PTAR1: variants seen among roughly 807,000 people sequenced by gnomAD.
The protein encoded by PTAR1 is protein prenyltransferase alpha subunit repeat containing 1, also known as protein prenyltransferase alpha subunit repeat-containing protein 1.
PTAR1 carries 17 observed loss-of-function variants against 45.5 expected under a neutral mutation model. That is an observed-to-expected ratio of 0.37 (90% CI 0.26 to 0.56). The LOEUF is 0.56. Ranked by LOEUF, PTAR1 falls within the 20% of genes least tolerant of loss-of-function variation. PTAR1 has a pLI of 0.77. For missense variants in PTAR1, 391 were observed against 476.3 expected, an observed-to-expected ratio of 0.82 and a Z score of 1.67; for synonymous variants, 169 against 171.3, an observed-to-expected ratio of 0.99 and a Z score of 0.11.
intron 2 of PTAR1, among the ~76,000 whole-genome samples, chr9:69,747,215 A>C (rs1239400734): frequency 1.3e-5 from 2 of 152,238 alleles, no homozygotes; most frequent in African/African-American, 4.8e-5. Flanking sequence ...TTGTTTAATC[A>C]GCTAAAATAC....
chr9:69,729,243 C>G (rs1825425068), intron 5 of PTAR1, among the ~76,000 whole-genome samples: 1 of 152,114 alleles, frequency 6.6e-6, no homozygotes. Context: ...TCGCTTGAAC[C>G]TGGGAAGCGG....
At chr9:69,739,418 T>TAA (rs397941927) in intron 3 of PTAR1, among the ~76,000 whole-genome samples, 5 of 145,300 alleles carry the variant, frequency 3.4e-5, no homozygotes, top group African/African-American at 1.3e-4. Flanking sequence ...CAGTTTTCTT[T>TAA]AAAAAAAAAA....
chr9:69,757,662 TG>T (rs1165776526), intron 1 of PTAR1: 1 of 152,114 alleles, frequency 6.6e-6, no homozygotes, highest in African/African-American at 2.4e-5. Context: ...ATCTTAAGTT[TG>T]GACAAGAAAA....
chr9:69,740,204 T>C (rs1487309596), intron 3 of PTAR1, among the ~76,000 whole-genome samples: 2 of 152,084 alleles, frequency 1.3e-5, no homozygotes, highest in Non-Finnish European at 2.9e-5. Context: ...TATATAGGTG[T>C]GTGTGTGTAT....
At chr9:69,739,838 T>C (rs560569321) in intron 3 of PTAR1, among the ~76,000 whole-genome samples, 1 of 152,272 alleles carries the variant, frequency 6.6e-6, no homozygotes, top group East Asian at 1.9e-4. Flanking sequence ...AAGATTCCCT[T>C]TCTACTCATC....
At chr9:69,735,052 T>C (rs1825721736) in intron 3 of PTAR1, among the ~76,000 whole-genome samples, 1 of 152,236 alleles carries the variant, frequency 6.6e-6, no homozygotes, top group South Asian at 2.1e-4. Flanking sequence ...ATTCTTACTT[T>C]GGATAAGTTT....
intron 6 of PTAR1, among the ~76,000 whole-genome samples, chr9:69,720,005 C>T (rs1824918322): frequency 6.6e-6 from 1 of 152,158 alleles, no homozygotes; most frequent in Admixed American, 6.6e-5. Context: ...TCCCTGTTCC[C>T]TGAGATACAA....
intron 4 of PTAR1, among the ~76,000 whole-genome samples, chr9:69,732,666 C>T (rs985213654): frequency 1.3e-5 from 2 of 151,688 alleles, no homozygotes; most frequent in South Asian, 2.1e-4. Flanking sequence ...AATGTAAAGG[C>T]AATTGGTGTG....
At chr9:69,747,658 A>T (rs141121820) in intron 2 of PTAR1, among the ~76,000 whole-genome samples, 2 of 152,216 alleles carry the variant, frequency 1.3e-5, no homozygotes, top group Non-Finnish European at 2.9e-5. Flanking sequence ...TACGAAGAGT[A>T]GAGGCTGTAT....
intron 5 of PTAR1, among the ~76,000 whole-genome samples, chr9:69,727,066 T>C (rs1279471642): frequency 6.6e-6 from 1 of 150,880 alleles, no homozygotes; most frequent in Non-Finnish European, 1.5e-5. Flanking sequence ...TACACACACA[T>C]ATATATATAC....
At chr9:69,752,525 T>C (rs1302138680) in intron 1 of PTAR1, among the ~76,000 whole-genome samples, 1 of 152,080 alleles carries the variant, frequency 6.6e-6, no homozygotes, top group Non-Finnish European at 1.5e-5. Flanking sequence ...ATCCTTACAA[T>C]TGGTTCCGTT....
intron 5 of PTAR1, 32 bp from the exon 6 acceptor site, chr9:69,723,662 A>G: frequency 4.0e-6 from 6 of 1,514,542 alleles, no homozygotes; most frequent in Non-Finnish European, 5.4e-6. Context: ...AGTAAGAAGA[A>G]GAGTTCCCAA....
At position 69,718,171 on chromosome 9, in the gene PTAR1, G is replaced by A; in HGVS notation, c.*171C>T. On this transcript the variant is annotated 3_prime_UTR_variant, in exon 8 of 8. Transcript: ENST00000340434. Reference sequence around the variant, plus strand: ...ACGATTATTTTATCCCCACAGGAATGCCAGTTATTAACAAAATAAATAAAA... The same window carrying A: ...ACGATTATTTTATCCCCACAGGAATACCAGTTATTAACAAAATAAATAAAA... 1.9e-6 allele frequency: 1 copy of A among 531,444 alleles called. No homozygotes were observed. Among genetic ancestry groups the A allele is most frequent in the Non-Finnish European group, 3.3e-6 (1 of 301,994 alleles). 32.9% of individuals were successfully genotyped at this position (531,444 alleles called of 1,614,324 possible).
intron 6 of PTAR1, among the ~76,000 whole-genome samples, chr9:69,719,851 G>T (rs536597202): frequency 1.3e-5 from 2 of 151,990 alleles, no homozygotes; most frequent in African/African-American, 4.8e-5. Flanking sequence ...TGTGATCAGC[G>T]ATCTTTGATG....
chr9:69,743,788 G>T (rs774491020), intron 2 of PTAR1, among the ~76,000 whole-genome samples: 5 of 152,274 alleles, frequency 3.3e-5, no homozygotes, highest in Admixed American at 1.3e-4. Context: ...GTGATTGAAT[G>T]TAATGATAAA....
intron 3 of PTAR1, among the ~76,000 whole-genome samples, chr9:69,736,819 C>T (rs75153785): frequency 0.13 from 19,152 of 151,980 alleles, 1,342 homozygotes; most frequent in East Asian, 0.27. Flanking sequence ...ATGGGGACTC[C>T]GTTAATATCT....
chr9:69,736,820 G>A (rs756236278), intron 3 of PTAR1, among the ~76,000 whole-genome samples: 16 of 152,022 alleles, frequency 1.1e-4, no homozygotes, highest in Non-Finnish European at 1.8e-4. Flanking sequence ...TGGGGACTCC[G>A]TTAATATCTT....
At chr9:69,722,741 C>G (rs1410904806) in intron 6 of PTAR1, among the ~76,000 whole-genome samples, 1 of 151,670 alleles carries the variant, frequency 6.6e-6, no homozygotes, top group Non-Finnish European at 1.5e-5. Flanking sequence ...GAGTTCGAGA[C>G]CAGCCTGGCC....
rs1214919960 is a variant in PTAR1, at chr9:69,732,311, G to A, written c.470C>T (p.Pro157Leu). Reference sequence around the variant, plus strand: ...CAAGTTTCCTTTGGTCACAAAGGAAGGCAAGGAGGTTTCCTGAATTAGCTG... The same window carrying A: ...CAAGTTTCCTTTGGTCACAAAGGAAAGCAAGGAGGTTTCCTGAATTAGCTG... Reference protein sequence around the residue: ...LQQLIQETSLPSFVTKGNLGT... With the variant: ...LQQLIQETSLLSFVTKGNLGT... Residue 157 changes from proline to leucine, a missense_variant, in exon 5 of 8, where the codon CCT becomes CTT. Transcript: ENST00000340434. 3 of 1,613,886 alleles carry A rather than the reference G, an allele frequency of 1.9e-6. No homozygotes were observed. The highest frequency in any genetic ancestry group is 4.5e-5 in the East Asian group (2 of 44,872).
Sources: allele counts gnomAD v4.1 joint callset (sites outside exome capture counted in the v4.1 genomes callset), GRCh38; gene constraint gnomAD v4.1.1; transcripts MANE v1.5; gene names NCBI Gene and HGNC (gene_info 2026-07-23, HGNC 2026-07-21).